The following PDE3B variants were observed in gnomAD, a reference collection of about 807,000 sequenced individuals.
The protein encoded by PDE3B is cGMP-inhibited 3',5'-cyclic phosphodiesterase 3B.
PDE3B carries 66 observed loss-of-function variants against 116.8 expected under a neutral mutation model. The ratio of observed to expected loss-of-function variants is 0.56; its 90% CI spans 0.46 to 0.69. The LOEUF (loss-of-function observed/expected upper bound fraction) is 0.69. Among genes scored for constraint, PDE3B ranks in the 30% least tolerant of loss-of-function variants. The pLI is 0.00. For synonymous variants in PDE3B, 595 were observed against 533.6 expected, an observed-to-expected ratio of 1.12 and a Z score of -1.59; for missense variants, 1,384 against 1,368.1, an observed-to-expected ratio of 1.01 and a Z score of -0.18.
At position 14,695,194 on chromosome 11, in the gene PDE3B, T is replaced by G. The variant is rs1033763488; in HGVS notation, c.978+50141T>G. 4.6e-5 allele frequency among the ~76,000 whole-genome samples: 7 copies of G among 152,344 alleles called. No homozygotes were observed. The South Asian group carries it at 6.2e-4, about 14-fold the overall frequency. ...AAAAAAGGCAAAACAATTTTATTTA[T>G]TTATGGTTTGTTATCTTTTTTATCT... On this transcript the variant is annotated intron_variant, in intron 1 of 15. Transcript: ENST00000282096.
At chr11:14,782,996 A>G (rs1326010569) in intron 2 of PDE3B, among the ~76,000 whole-genome samples, 1 of 152,260 alleles carries the variant, frequency 6.6e-6, no homozygotes, top group Non-Finnish European at 1.5e-5. Flanking sequence ...TATGCAGCCA[A>G]CAGACACTTG....
At chr11:14,728,980 T>G (rs1403940555) in intron 1 of PDE3B, among the ~76,000 whole-genome samples, 1 of 152,164 alleles carries the variant, frequency 6.6e-6, no homozygotes, top group Non-Finnish European at 1.5e-5. Context: ...TTCCAGACCA[T>G]GCTCATTGAT....
intron 1 of PDE3B, among the ~76,000 whole-genome samples, chr11:14,677,727 T>A (rs1854574319): frequency 6.6e-6 from 1 of 152,228 alleles, no homozygotes; most frequent in Non-Finnish European, 1.5e-5. Flanking sequence ...CCCTGGTAAC[T>A]ACTAGTCTCT....
chr11:14,671,722 A>G (rs1854372972), intron 1 of PDE3B, among the ~76,000 whole-genome samples: 1 of 152,012 alleles, frequency 6.6e-6, no homozygotes, highest in African/African-American at 2.4e-5. Context: ...CCTGGATAGA[A>G]TGTCCTTTAA....
intron 1 of PDE3B, among the ~76,000 whole-genome samples, chr11:14,708,228 CT>C (rs573629485): frequency 9.2e-4 from 140 of 152,104 alleles, no homozygotes; most frequent in Admixed American, 1.9e-3. Flanking sequence ...TCTCTTGCTT[CT>C]TTTTTTGTCA....
intron 1 of PDE3B, among the ~76,000 whole-genome samples, chr11:14,747,654 C>A (rs1332974025): frequency 6.6e-6 from 1 of 152,030 alleles, no homozygotes; most frequent in African/African-American, 2.4e-5. Flanking sequence ...CCTAAAAAAT[C>A]AAGCAACCAA....
chr11:14,846,808 C>A (rs1847614355), intron 12 of PDE3B, among the ~76,000 whole-genome samples: 1 of 152,104 alleles, frequency 6.6e-6, no homozygotes, highest in Non-Finnish European at 1.5e-5. Flanking sequence ...AATATATATG[C>A]ACCCAATACA....
At chr11:14,892,876 G>A in the PDE3B span, among the ~76,000 whole-genome samples, 1 of 152,134 alleles carries the variant, frequency 6.6e-6, no homozygotes, top group Non-Finnish European at 1.5e-5. Flanking sequence ...GGCAATCACG[G>A]GACTCTTGTC....
At chr11:14,666,084 GAT>G (rs1854134843) in intron 1 of PDE3B, among the ~76,000 whole-genome samples, 1 of 151,398 alleles carries the variant, frequency 6.6e-6, no homozygotes, top group South Asian at 2.1e-4. Context: ...CCAAAACAGA[GAT>G]ATAGATCAAT....
intron 1 of PDE3B, among the ~76,000 whole-genome samples, chr11:14,722,957 A>G (rs1406497384): frequency 6.6e-6 from 1 of 152,224 alleles, no homozygotes; most frequent in Non-Finnish European, 1.5e-5. Flanking sequence ...ATGAAAGTAC[A>G]TTTATAGCCT....
rs140813490 is a variant in PDE3B, at chr11:14,644,203, C to G, written c.128C>G (p.Pro43Arg). ...TGCGTGAGCCCCTTGCGGCAGGACC[C>G]TCCGCGCGGCTTCTTCTTCCACCTC... is the stretch of plus-strand genomic sequence containing the variant. ...KSCVSPLRQDPPRGFFFHLCR... is the reference protein window; with the variant it reads ...KSCVSPLRQDRPRGFFFHLCR... The change falls in exon 1 of 16, where the codon CCT becomes CGT. Residue 43 changes from proline to arginine, a missense_variant. Physicochemically the swap from Pro to Arg is moderately radical, Grantham distance 103. Coordinates refer to ENST00000282096, the MANE Select transcript of PDE3B (RefSeq NM_000922.4). The G allele has an allele frequency of 2.5e-6, 4 of 1,595,560 alleles. No individual in the cohort carries two copies. In the South Asian group the frequency reaches 4.4e-5, roughly 18 times the overall value.
intron 4 of PDE3B, among the ~76,000 whole-genome samples, chr11:14,801,530 C>T (rs1858764640): frequency 6.6e-6 from 1 of 152,216 alleles, no homozygotes; most frequent in African/African-American, 2.4e-5. Context: ...GGACACCTGC[C>T]AGATGCCAGC....
At chr11:14,704,325 A>G (rs1165881519) in intron 1 of PDE3B, among the ~76,000 whole-genome samples, 2 of 151,800 alleles carry the variant, frequency 1.3e-5, no homozygotes, top group African/African-American at 4.8e-5. Context: ...AAATAATTCT[A>G]ATGTGCAGCC....
At chr11:14,861,767 A>C (rs1036751233) in intron 14 of PDE3B, among the ~76,000 whole-genome samples, 1 of 152,194 alleles carries the variant, frequency 6.6e-6, no homozygotes, top group Admixed American at 6.5e-5. Context: ...TTAGAGCAAG[A>C]ATGAAAGGAA....
intron 4 of PDE3B, among the ~76,000 whole-genome samples, chr11:14,799,167 T>C (rs984899732): frequency 6.6e-5 from 10 of 152,320 alleles, no homozygotes; most frequent in South Asian, 4.1e-4. Context: ...ACATCTTTAT[T>C]TCTGCCTTCA....
chr11:14,806,656 G>A (rs1401034277), intron 5 of PDE3B, among the ~76,000 whole-genome samples: 13 of 151,344 alleles, frequency 8.6e-5, no homozygotes, highest in Admixed American at 7.2e-4. Context: ...TCAGGAGATC[G>A]AGACCATCCC....
intron 12 of PDE3B, among the ~76,000 whole-genome samples, chr11:14,849,018 T>A (rs935740209): frequency 1.3e-5 from 2 of 150,878 alleles, no homozygotes; most frequent in Non-Finnish European, 3.0e-5. Context: ...AAAAAGAGCC[T>A]GCATCGCCAA....
the PDE3B span, among the ~76,000 whole-genome samples, chr11:14,881,537 T>C: frequency 6.6e-6 from 1 of 152,116 alleles, no homozygotes; most frequent in Admixed American, 6.6e-5. Context: ...AATTTCACAT[T>C]GATAAGTGAT....
intron 6 of PDE3B, among the ~76,000 whole-genome samples, chr11:14,818,875 G>A (rs1269287873): frequency 1.3e-5 from 2 of 151,988 alleles, no homozygotes; most frequent in African/African-American, 4.8e-5. Flanking sequence ...CCCAGTAAAT[G>A]GTGTTTGATC....
Sources: allele counts gnomAD v4.1 joint callset (sites outside exome capture counted in the v4.1 genomes callset), GRCh38; gene constraint gnomAD v4.1.1; transcripts MANE v1.5; gene names NCBI Gene and HGNC (gene_info 2026-07-23, HGNC 2026-07-21).